The following TNN variants were observed in gnomAD, a reference collection of about 807,000 sequenced individuals.
The protein encoded by TNN is tenascin N.
TNN carries 122 observed loss-of-function variants against 134.4 expected under a neutral mutation model. That is an observed-to-expected ratio of 0.91 (90% CI 0.78 to 1.06). The LOEUF is 1.06. TNN is among the 50% of genes least tolerant of loss of function. The probability of loss-of-function intolerance (pLI) is 0.00; values close to 1 mark genes in which losing one functional copy is unlikely to be tolerated. For synonymous variants in TNN, 710 were observed against 670.3 expected, an observed-to-expected ratio of 1.06 and a Z score of -0.91; for missense variants, 1,739 against 1,699.4, an observed-to-expected ratio of 1.02 and a Z score of -0.41.
At chr1:175,084,935 T>G (rs944270746) in intron 5 of TNN, among the ~76,000 whole-genome samples, 3 of 152,194 alleles carry the variant, frequency 2.0e-5, no homozygotes, top group Non-Finnish European at 4.4e-5. Flanking sequence ...GAGGCTACCA[T>G]GAGCCGTGAT....
At chr1:175,072,992 T>G in intron 1 of TNN, among the ~76,000 whole-genome samples, 1 of 117,450 alleles carries the variant, frequency 8.5e-6, no homozygotes, top group South Asian at 3.0e-4. Context: ...CTGCACTTCA[T>G]TTATGTCTCA....
chr1:175,089,214 C>T (rs866779682), intron 6 of TNN, among the ~76,000 whole-genome samples: 7 of 152,266 alleles, frequency 4.6e-5, no homozygotes, highest in Non-Finnish European at 7.4e-5. Flanking sequence ...TTGCATCCCA[C>T]CAGGTGGAAA....
chr1:175,137,518 G>T (rs1424947782), intron 17 of TNN, among the ~76,000 whole-genome samples: 1 of 152,188 alleles, frequency 6.6e-6, no homozygotes, highest in East Asian at 1.9e-4. Flanking sequence ...GAGCAGTTCA[G>T]TGGAAAGTGA....
At chr1:175,144,308 T>C in intron 17 of TNN, 79 bp from the exon 18 acceptor site, 1 of 1,393,986 alleles carries the variant, frequency 7.2e-7, no homozygotes, top group African/African-American at 1.4e-5. Context: ...TGCCTAGAGA[T>C]CTTCCTGCTG....
chr1:175,127,166 T>C (rs1226702069), intron 13 of TNN, 81 bp downstream of exon 13: 73 of 1,532,844 alleles, frequency 4.8e-5, no homozygotes, highest in Non-Finnish European at 6.1e-5. Context: ...GCTCATTTGC[T>C]GGCCTCACGG....
chr1:175,068,415 T>C (rs922920533), intron 1 of TNN, among the ~76,000 whole-genome samples: 2 of 152,250 alleles, frequency 1.3e-5, no homozygotes, highest in Admixed American at 6.5e-5. Context: ...GAAGCTATGA[T>C]AACTTTCCCT....
intron 4 of TNN, among the ~76,000 whole-genome samples, chr1:175,082,405 C>G (rs1274215845): frequency 6.6e-6 from 1 of 152,202 alleles, no homozygotes; most frequent in Non-Finnish European, 1.5e-5. Flanking sequence ...CGTGAACATT[C>G]TCATTAAGTC....
chr1:175,069,501 C>T (rs1279193863), intron 1 of TNN, among the ~76,000 whole-genome samples: 1 of 152,198 alleles, frequency 6.6e-6, no homozygotes, highest in Non-Finnish European at 1.5e-5. Context: ...TCCAGTGCTG[C>T]TCTGTGGTTT....
intron 6 of TNN, among the ~76,000 whole-genome samples, chr1:175,088,240 T>G (rs6425318): frequency 0.55 from 83,320 of 151,878 alleles, 23,446 homozygotes; most frequent in African/African-American, 0.69. Flanking sequence ...CTAATCACAA[T>G]GTTGGTTCCC....
intron 7 of TNN, among the ~76,000 whole-genome samples, chr1:175,095,740 AT>A (rs1480576770): frequency 1.3e-5 from 2 of 151,988 alleles, no homozygotes; most frequent in Non-Finnish European, 2.9e-5. Flanking sequence ...CGCCCAGCTA[AT>A]TTTTGTATTT....
intron 12 of TNN, among the ~76,000 whole-genome samples, chr1:175,125,510 T>TCCTATATCCCTTCTCTTTC (rs1008830319): frequency 6.6e-6 from 1 of 152,044 alleles, no homozygotes; most frequent in African/African-American, 2.4e-5. Flanking sequence ...GCTCTGCTTT[T>TCCTATATCCCTTCTCTTTC]CCTATATCCC....
At chr1:175,131,856 A>G (rs573622499) in intron 15 of TNN, among the ~76,000 whole-genome samples, 1 of 151,878 alleles carries the variant, frequency 6.6e-6, no homozygotes, top group African/African-American at 2.4e-5. Flanking sequence ...GGTTCAAAAC[A>G]GTGATGCAAA....
intron 7 of TNN, among the ~76,000 whole-genome samples, chr1:175,096,974 A>G (rs557909453): frequency 2.7e-4 from 41 of 152,334 alleles, no homozygotes; most frequent in African/African-American, 9.6e-4. Context: ...AATGTTTTAT[A>G]TGGAAAGAAC....
intron 17 of TNN, among the ~76,000 whole-genome samples, chr1:175,138,859 GTA>G (rs1675881367): frequency 1.3e-5 from 2 of 152,190 alleles, no homozygotes; most frequent in African/African-American, 2.4e-5. Flanking sequence ...ATAGACCAAG[GTA>G]TATGGTGTAG....
intron 9 of TNN, among the ~76,000 whole-genome samples, chr1:175,112,598 CTTTTTTTTTTTTTTTTTTT>C (rs767531767): frequency 5.5e-4 from 12 of 21,976 alleles, no homozygotes; most frequent in East Asian, 2.8e-3. Context: ...GCCGGCCGAT[CTTTTTTTTTTTTTTTTTTT>C]TTTTTTTTTT....
chr1:175,115,009 A>G (rs1044386403), intron 9 of TNN, among the ~76,000 whole-genome samples: 1 of 151,632 alleles, frequency 6.6e-6, no homozygotes, highest in Non-Finnish European at 1.5e-5. Context: ...CAATGACTCT[A>G]CTCCCTGGGA....
In TNN at chr1:175,125,912, T is replaced by A. The variant is rs182566567; in HGVS notation, c.2915-1043T>A. Among the ~76,000 whole-genome samples the A allele has an allele frequency of 7.1e-4, 106 of 148,860 alleles. 1 individual carries two copies. The highest frequency in any genetic ancestry group is 2.5e-3 in the African/African-American group (101 of 40,446). On this transcript the variant is annotated intron_variant, in intron 12 of 18. Coordinates refer to ENST00000239462, the MANE Select transcript of TNN (RefSeq NM_022093.2). ...TTCTTTCTTTCTCTCTCCCGCTCTC[T>A]CTCTCTTCTCTTTCTTTCTTTCTCT...
chr1:175,101,306 G>T (rs544878655), intron 9 of TNN, among the ~76,000 whole-genome samples: 7 of 151,980 alleles, frequency 4.6e-5, no homozygotes, highest in African/African-American at 1.5e-4. Flanking sequence ...AAGGCAGCGC[G>T]TCTGGAGTTG....
At chr1:175,099,786 C>T (rs1353216716) in intron 9 of TNN, among the ~76,000 whole-genome samples, 1 of 152,138 alleles carries the variant, frequency 6.6e-6, no homozygotes, top group Non-Finnish European at 1.5e-5. Flanking sequence ...CTGACGAGTG[C>T]TAAAGCTGAC....
Sources: gnomAD v4.1 joint callset for allele counts (sites outside exome capture counted in the v4.1 genomes callset) on GRCh38, gnomAD v4.1.1 for gene constraint, MANE v1.5 for transcripts, NCBI Gene and HGNC (gene_info 2026-07-23, HGNC 2026-07-21) for gene names.